Variants in KCNE1 observed in about 807,000 individuals in gnomAD.
The protein encoded by KCNE1 is potassium voltage-gated channel subfamily E regulatory subunit 1.
In KCNE1, 1 loss-of-function variant was observed where a neutral mutation model predicts 2.9. The observed-to-expected ratio is 0.34, with a 90% CI of 0.12 to 1.62. The LOEUF is 1.62. Ranked by LOEUF, KCNE1 falls within the 40% of genes most tolerant of loss-of-function variation. The pLI, the probability that KCNE1 is intolerant of heterozygous loss-of-function variation, is 0.36. For missense variants in KCNE1, 45 were observed against 150.5 expected (o/e 0.30, Z 3.67); for synonymous variants, 23 against 65.4 (o/e 0.35, Z 3.13).
intron 2 of KCNE1, among the ~76,000 whole-genome samples, chr21:34,498,924 G>C (rs1354886438): frequency 6.6e-6 from 1 of 152,158 alleles, no homozygotes; most frequent in African/African-American, 2.4e-5. Flanking sequence ...TAGTATTTGG[G>C]TTTCTCAGGT....
rs557604590 is a variant in KCNE1, at chr21:34,448,802, C to T, written c.*443G>A. The T allele has an allele frequency of 1.8e-5, 2 of 113,634 alleles. 1 individual carries two copies. Among genetic ancestry groups the T allele is most frequent in the African/African-American group, 6.4e-5 (2 of 31,216 alleles). The allele number at this position is 113,634 out of a possible 1,614,324, so 7.0% of individuals were successfully genotyped here. On this transcript the variant is annotated 3_prime_UTR_variant, in exon 4 of 4. Coordinates refer to ENST00000399286, the MANE Select transcript of KCNE1 (RefSeq NM_000219.6). Reference sequence around the variant, plus strand: ...TTTGAGTGCCCCGTTCTTTCCCAGTCTCATAACTGCTCTCCACCTCCTCCA... The same window carrying T: ...TTTGAGTGCCCCGTTCTTTCCCAGTTTCATAACTGCTCTCCACCTCCTCCA...
chr21:34,508,698 G>A (rs949538532), intron 2 of KCNE1, among the ~76,000 whole-genome samples: 2 of 152,074 alleles, frequency 1.3e-5, no homozygotes, highest in Admixed American at 6.6e-5. Flanking sequence ...AAAAAGAGAC[G>A]ACACAGTCAT....
At chr21:34,503,807 C>T (rs955167471) in intron 2 of KCNE1, among the ~76,000 whole-genome samples, 2 of 152,184 alleles carry the variant, frequency 1.3e-5, no homozygotes, top group African/African-American at 4.8e-5. Flanking sequence ...TTACTCTAAA[C>T]AAAGTAGATT....
In KCNE1 at chr21:34,511,272, A is replaced by T; in HGVS notation, c.-333T>A. The T allele has an allele frequency of 3.0e-6, 3 of 985,458 alleles. No homozygotes were observed. Among genetic ancestry groups the T allele is most frequent in the Non-Finnish European group, 3.6e-6 (3 of 830,008 alleles). 61.0% of individuals were successfully genotyped at this position (985,458 alleles called of 1,614,324 possible). On this transcript the variant is annotated 5_prime_UTR_variant, in exon 2 of 4. The change creates a new upstream start codon in the 5' untranslated region. Transcript: ENST00000399286. The stretch of plus-strand genomic sequence containing the variant: ...GTTGAGCTCCAGGCCATGCCATTCA[A>T]CGCCCTCCAGGACAGGCCGAAGGGC...
intron 2 of KCNE1, among the ~76,000 whole-genome samples, chr21:34,507,391 C>T (rs552975452): frequency 6.6e-5 from 10 of 152,220 alleles, no homozygotes; most frequent in South Asian, 2.1e-4. Context: ...GAGGGGAAAA[C>T]GCTCATATGC....
chr21:34,503,088 G>A (rs762529645), intron 2 of KCNE1, among the ~76,000 whole-genome samples: 11 of 152,142 alleles, frequency 7.2e-5, no homozygotes, highest in Non-Finnish European at 1.6e-4. Flanking sequence ...ATCCCACAGG[G>A]TGAGGGCTTA....
chr21:34,498,407 G>C (rs765408367), intron 2 of KCNE1, among the ~76,000 whole-genome samples: 5 of 152,250 alleles, frequency 3.3e-5, no homozygotes, highest in African/African-American at 4.8e-5. Context: ...TTGATGTGGT[G>C]CTCTCCCCCT....
chr21:34,499,268 G>A (rs1983011359), intron 2 of KCNE1, among the ~76,000 whole-genome samples: 1 of 152,162 alleles, frequency 6.6e-6, no homozygotes, highest in African/African-American at 2.4e-5. Flanking sequence ...GTTTATCTCT[G>A]GGCAGCTTAT....
At position 34,512,007 on chromosome 21, in the gene KCNE1, T is replaced by C. The variant is rs73207022; in HGVS notation, c.-377+20A>G. On this transcript the variant is annotated intron_variant, in intron 1 of 3. Transcript: ENST00000399286. ...ATGGGCCTTTCTGCCTGGCCTAGTA[T>C]GGCTCTCCTTCGAACTCACCTAGAC... is the stretch of plus-strand genomic sequence containing the variant. 1.6e-3 allele frequency: 243 copies of C among 152,438 alleles called. 1 individual carries two copies. Among genetic ancestry groups the C allele is most frequent in the Middle Eastern group, 3.4e-3 (1 of 296 alleles). 9.4% of individuals were successfully genotyped at this position (152,438 alleles called of 1,614,324 possible). A position where few individuals can be genotyped will look rare whatever the true frequency, so the allele number is the denominator to read the frequency against.
intron 2 of KCNE1, among the ~76,000 whole-genome samples, chr21:34,498,639 G>T (rs1326865777): frequency 6.6e-6 from 1 of 152,244 alleles, no homozygotes; most frequent in Non-Finnish European, 1.5e-5. Flanking sequence ...AGAGCCTTTG[G>T]TTGTAGATAT....
rs115929259 is a variant in KCNE1, at chr21:34,499,166, A to C, written c.-162+11935T>G. 5.0e-3 allele frequency among the ~76,000 whole-genome samples: 758 copies of C among 152,256 alleles called. 4 individuals carry two copies. Among genetic ancestry groups the C allele is most frequent in the African/African-American group, 0.017 (727 of 41,550 alleles). On this transcript the variant is annotated intron_variant, in intron 2 of 3. Transcript: ENST00000399286. ...CGTCTGTTGCATTATATAGGTCACC[A>C]GGGAAGTAGGGGAAAGCAATAGGCC...
At chr21:34,509,246 A>G (rs1983689256) in intron 2 of KCNE1, among the ~76,000 whole-genome samples, 1 of 152,184 alleles carries the variant, frequency 6.6e-6, no homozygotes, top group African/African-American at 2.4e-5. Flanking sequence ...TGGTTGGAGG[A>G]CGGAGGTGTC....
At chr21:34,496,626 T>C (rs1378188794) in intron 2 of KCNE1, among the ~76,000 whole-genome samples, 2 of 152,216 alleles carry the variant, frequency 1.3e-5, no homozygotes, top group African/African-American at 4.8e-5. Flanking sequence ...GAAAAGAATG[T>C]TTATTCTGCA....
In KCNE1 at chr21:34,511,204, G is replaced by A; in HGVS notation, c.-265C>T. On this transcript the variant is annotated 5_prime_UTR_variant, in exon 2 of 4. Transcript: ENST00000399286. ...TCTTAGGAACTTCTCAGAACTTTTTGAGTTATCCTTCTGGTCTCTTCCTCC... is the reference window on the plus strand; with the variant it reads ...TCTTAGGAACTTCTCAGAACTTTTTAAGTTATCCTTCTGGTCTCTTCCTCC... 1.0e-6 allele frequency: 1 copy of A among 985,766 alleles called. No individual in the cohort carries two copies. The highest frequency in any genetic ancestry group is 1.2e-6 in the Non-Finnish European group (1 of 830,226). The allele number at this position is 985,766 out of a possible 1,614,324, so 61.1% of individuals were successfully genotyped here.
Position 34,501,440 on chromosome 21 carries a change from A to C in KCNE1, c.-162+9661T>G, listed in dbSNP as rs926699672. On this transcript the variant is annotated intron_variant, in intron 2 of 3. Transcript: ENST00000399286. ...TGGGGTTTCAAGCATGGAAGTGGGGACAGTGACCCATCAGTCTGAGAAGAC... is the reference window on the plus strand; with the variant it reads ...TGGGGTTTCAAGCATGGAAGTGGGGCCAGTGACCCATCAGTCTGAGAAGAC... 2.6e-5 allele frequency among the ~76,000 whole-genome samples: 4 copies of C among 152,314 alleles called. No homozygotes were observed. The East Asian group carries it at 7.7e-4, about 29-fold the overall frequency.
At chr21:34,500,974 G>A (rs1022307766) in intron 2 of KCNE1, among the ~76,000 whole-genome samples, 2 of 152,176 alleles carry the variant, frequency 1.3e-5, no homozygotes, top group African/African-American at 2.4e-5. Context: ...GCTTTGGAGT[G>A]GATAAGGAAG....
chr21:34,511,032 G>A (rs78212356), intron 2 of KCNE1, 69 bp downstream of exon 2: 1 of 507,840 alleles, frequency 2.0e-6, no homozygotes, highest in African/African-American at 2.1e-5. Context: ...CTGATGTCAG[G>A]GTGGGCATGA....
chr21:34,501,534 T>G (rs1983167604), intron 2 of KCNE1, among the ~76,000 whole-genome samples: 1 of 152,022 alleles, frequency 6.6e-6, no homozygotes, highest in African/African-American at 2.4e-5. Flanking sequence ...TGATAAAGAG[T>G]ATGATATCAT....
At chr21:34,497,729 A>T (rs1006141696) in intron 2 of KCNE1, among the ~76,000 whole-genome samples, 3 of 152,226 alleles carry the variant, frequency 2.0e-5, no homozygotes, top group Admixed American at 2.0e-4. Flanking sequence ...GGTCTCTAGC[A>T]AGGCCAGGGA....
Sources: gnomAD v4.1 joint callset for allele counts (sites outside exome capture counted in the v4.1 genomes callset) on GRCh38, gnomAD v4.1.1 for gene constraint, MANE v1.5 for transcripts, NCBI Gene and HGNC (gene_info 2026-07-23, HGNC 2026-07-21) for gene names.